Variants in TRPC6 observed in about 807,000 individuals in gnomAD.
The protein encoded by TRPC6 is transient receptor potential cation channel subfamily C member 6.
In TRPC6, 55 loss-of-function variants were observed where a neutral mutation model predicts 90.7. The ratio of observed to expected loss-of-function variants is 0.61; its 90% CI spans 0.49 to 0.76. The LOEUF is 0.76. TRPC6 is among the 30% of genes least tolerant of loss of function. TRPC6 has a pLI of 0.00. For missense variants in TRPC6, 989 were observed against 1,122.7 expected, an observed-to-expected ratio of 0.88 and a Z score of 1.70; for synonymous variants, 393 against 393.0, an observed-to-expected ratio of 1.00 and a Z score of 0.00.
intron 4 of TRPC6, 125 bp downstream of exon 4, chr11:101,488,811 TA>T: frequency 1.9e-6 from 2 of 1,054,986 alleles, no homozygotes; most frequent in Non-Finnish European, 2.8e-6. Flanking sequence ...TTTGTAATGT[TA>T]AAAACAATAA....
chr11:101,528,418 C>T (rs921465396), intron 1 of TRPC6, among the ~76,000 whole-genome samples: 18 of 152,132 alleles, frequency 1.2e-4, no homozygotes, highest in Non-Finnish European at 2.4e-4. Flanking sequence ...ACTGTCACTG[C>T]ACAAAGCTTA....
At chr11:101,528,733 T>C (rs1230002368) in intron 1 of TRPC6, among the ~76,000 whole-genome samples, 1 of 152,132 alleles carries the variant, frequency 6.6e-6, no homozygotes, top group African/African-American at 2.4e-5. Flanking sequence ...TGCTTAGCAG[T>C]ATGAGGTAAG....
At chr11:101,510,107 C>T (rs1860364387) in intron 1 of TRPC6, among the ~76,000 whole-genome samples, 1 of 152,080 alleles carries the variant, frequency 6.6e-6, no homozygotes, top group Admixed American at 6.6e-5. Context: ...TTGCTGCTCT[C>T]CTTATCTTTC....
intron 1 of TRPC6, among the ~76,000 whole-genome samples, chr11:101,505,460 T>C (rs1005012713): frequency 6.6e-6 from 1 of 152,044 alleles, no homozygotes; most frequent in Non-Finnish European, 1.5e-5. Flanking sequence ...TAAGTAGAAG[T>C]CAGGTGAGAG....
intron 5 of TRPC6, among the ~76,000 whole-genome samples, chr11:101,480,872 G>A (rs1419466497): frequency 2.0e-5 from 3 of 152,106 alleles, no homozygotes; most frequent in African/African-American, 7.2e-5. Context: ...TCAGATATTG[G>A]AAGTGAAATA....
intron 1 of TRPC6, among the ~76,000 whole-genome samples, chr11:101,572,018 AT>A (rs1861974949): frequency 6.6e-6 from 1 of 152,232 alleles, no homozygotes; most frequent in Admixed American, 6.5e-5. Flanking sequence ...AAATTGACAA[AT>A]GGGATCTAAT....
intron 11 of TRPC6, among the ~76,000 whole-genome samples, chr11:101,453,982 T>C (rs971796512): frequency 6.6e-6 from 1 of 152,188 alleles, no homozygotes; most frequent in African/African-American, 2.4e-5. Context: ...TATGAAATCC[T>C]TTATGTCCAT....
chr11:101,562,565 G>C (rs1861738226), intron 1 of TRPC6, among the ~76,000 whole-genome samples: 1 of 152,070 alleles, frequency 6.6e-6, no homozygotes, highest in East Asian at 1.9e-4. Flanking sequence ...TTGCTCTACA[G>C]ACCTCATACC....
chr11:101,454,630 T>A (rs1173060636), intron 11 of TRPC6, among the ~76,000 whole-genome samples: 2 of 151,638 alleles, frequency 1.3e-5, no homozygotes, highest in African/African-American at 4.8e-5. Flanking sequence ...TATAATAATA[T>A]TAAAATATAT....
At chr11:101,567,158 C>G (rs1861853771) in intron 1 of TRPC6, among the ~76,000 whole-genome samples, 1 of 152,016 alleles carries the variant, frequency 6.6e-6, no homozygotes, top group African/African-American at 2.4e-5. Context: ...CTGAGATCAC[C>G]TGGGTCACTC....
intron 5 of TRPC6, among the ~76,000 whole-genome samples, chr11:101,482,626 T>G (rs1015588249): frequency 6.6e-5 from 10 of 152,360 alleles, no homozygotes; most frequent in Admixed American, 3.9e-4. Flanking sequence ...TGGTTGTGTT[T>G]AAGCTTGAAA....
chr11:101,581,026 G>A (rs1862185667), intron 1 of TRPC6, among the ~76,000 whole-genome samples: 1 of 152,100 alleles, frequency 6.6e-6, no homozygotes, highest in Non-Finnish European at 1.5e-5. Context: ...AGAAAACAGT[G>A]GATGAAATGT....
At chr11:101,498,848 AAG>A (rs999976531) in intron 2 of TRPC6, among the ~76,000 whole-genome samples, 2 of 152,158 alleles carry the variant, frequency 1.3e-5, no homozygotes, top group African/African-American at 2.4e-5. Context: ...TGTAGCAAGC[AAG>A]AGAGAGTCCC....
chr11:101,544,939 A>T (rs2136826633), intron 1 of TRPC6, among the ~76,000 whole-genome samples: 1 of 152,204 alleles, frequency 6.6e-6, no homozygotes, highest in Admixed American at 6.5e-5. Flanking sequence ...CTTTTCTAGG[A>T]ATGTACTTGG....
chr11:101,501,080 AATACATACATACATAC>A (rs60962933), intron 2 of TRPC6, among the ~76,000 whole-genome samples: 4,135 of 146,018 alleles, frequency 0.028, 72 homozygotes, highest in Non-Finnish European at 0.031. Flanking sequence ...AAGGGAGCAA[AATACATACATACATAC>A]ATACATACAT....
intron 1 of TRPC6, among the ~76,000 whole-genome samples, chr11:101,535,458 C>A (rs570648908): frequency 2.0e-5 from 3 of 150,698 alleles, no homozygotes; most frequent in Admixed American, 2.0e-4. Context: ...TTGTCTATTT[C>A]TCTTTCAAAC....
intron 2 of TRPC6, 93 bp from the exon 3 acceptor site, chr11:101,491,831 A>T (rs1859821918): frequency 4.2e-6 from 4 of 961,368 alleles, no homozygotes; most frequent in Admixed American, 6.4e-5. Context: ...TTTAAGAGAA[A>T]CATTCTTTTT....
At chr11:101,501,437 G>A (rs1367739863) in intron 2 of TRPC6, among the ~76,000 whole-genome samples, 2 of 151,948 alleles carry the variant, frequency 1.3e-5, no homozygotes, top group Non-Finnish European at 2.9e-5. Context: ...TTATTTTTAA[G>A]GGTAGAAGCA....
intron 1 of TRPC6, among the ~76,000 whole-genome samples, chr11:101,572,493 C>A (rs1458396103): frequency 6.6e-6 from 1 of 152,212 alleles, no homozygotes; most frequent in African/African-American, 2.4e-5. Flanking sequence ...TTTGACCCAG[C>A]AGTCCCATTA....
Sources: gnomAD v4.1 joint callset for allele counts (sites outside exome capture counted in the v4.1 genomes callset) on GRCh38, gnomAD v4.1.1 for gene constraint, MANE v1.5 for transcripts, NCBI Gene and HGNC (gene_info 2026-07-23, HGNC 2026-07-21) for gene names.